PTPRO: variants seen among roughly 807,000 people sequenced by gnomAD.
PTPRO encodes protein tyrosine phosphatase receptor type O.
Under a neutral mutation model 145.2 loss-of-function variants are expected in PTPRO, and 62 were observed. That is an observed-to-expected ratio of 0.43 (90% CI 0.35 to 0.53). The LOEUF (loss-of-function observed/expected upper bound fraction) is 0.53, where lower values mean the gene tolerates loss of function less well. Ranked by LOEUF, PTPRO falls within the 20% of genes least tolerant of loss-of-function variation. The pLI is 0.01. For synonymous variants in PTPRO, 565 were observed against 514.7 expected (o/e 1.10, Z -1.32); for missense variants, 1,345 against 1,482.7 (o/e 0.91, Z 1.53).
intron 1 of PTPRO, among the ~76,000 whole-genome samples, chr12:15,480,890 C>G (rs1941765917): frequency 6.6e-6 from 1 of 152,200 alleles, no homozygotes; most frequent in Non-Finnish European, 1.5e-5. Flanking sequence ...TCCAAAATCT[C>G]TCTGCTTTGT....
intron 23 of PTPRO, 147 bp from the exon 24 acceptor site, chr12:15,586,750 A>T: frequency 1.3e-6 from 1 of 795,042 alleles, no homozygotes; most frequent in Non-Finnish European, 2.1e-6. Flanking sequence ...TTTATGCCAG[A>T]TATGGTGCTC....
At position 15,515,540 on chromosome 12, in the gene PTPRO, G is replaced by T; in HGVS notation, c.1507G>T (p.Ala503Ser). The change falls in exon 8 of 27, where the codon GCC becomes TCC. Residue 503 changes from alanine to serine, a missense_variant. Around this residue, in one of 3 missense-constraint regions of PTPRO, gnomAD observed 1,130 missense variants for 1,214.7 expected, o/e 0.93. Coordinates refer to ENST00000281171, the MANE Select transcript of PTPRO (RefSeq NM_030667.3). The part of the protein sequence containing the change: ...KPIIENLVPG[A>S]QYQVVIYLRK... ...TATTATTGAAAATCTGGTTCCTGGT[G>T]CCCAGTACCAGGTTGTAATATACCT... 6.2e-7 allele frequency: 1 copy of T among 1,613,556 alleles called. No individual in the cohort carries two copies. Among genetic ancestry groups the T allele is most frequent in the Non-Finnish European group, 8.5e-7 (1 of 1,179,544 alleles).
intron 1 of PTPRO, among the ~76,000 whole-genome samples, chr12:15,328,687 T>C (rs907093241): frequency 1.3e-5 from 2 of 152,178 alleles, no homozygotes; most frequent in African/African-American, 2.4e-5. Context: ...ATGAAGAACA[T>C]TTGATGAAAA....
chr12:15,581,813 G>A lies in PTPRO; in HGVS notation c.3255+12G>A, dbSNP rs191550285. 2.6e-5 allele frequency: 42 copies of A among 1,613,626 alleles called. No homozygotes were observed. In the African/African-American group the frequency reaches 5.1e-4, roughly 19 times the overall value. On this transcript the variant is annotated intron_variant, in intron 23 of 26. Transcript: ENST00000281171. ...TCCGGATCAACTATGTAAGTCACCA[G>A]GCAGAGAGCAGGTGCTGTCCCTATG...
At chr12:15,556,128 A>G (rs1426488735) in intron 15 of PTPRO, among the ~76,000 whole-genome samples, 1 of 152,226 alleles carries the variant, frequency 6.6e-6, no homozygotes, top group Non-Finnish European at 1.5e-5. Context: ...ATGTTCATAG[A>G]GTCCTAAATT....
intron 16 of PTPRO, among the ~76,000 whole-genome samples, chr12:15,558,658 G>T (rs1040784447): frequency 1.3e-5 from 2 of 152,116 alleles, no homozygotes; most frequent in Admixed American, 6.5e-5. Flanking sequence ...ATTAATCATT[G>T]TTCAGTTATT....
intron 1 of PTPRO, among the ~76,000 whole-genome samples, chr12:15,432,564 T>A (rs1940472950): frequency 6.6e-6 from 1 of 152,194 alleles, no homozygotes; most frequent in Admixed American, 6.5e-5. Context: ...TTTCAGCTGT[T>A]TTAGGAATTG....
chr12:15,483,574 G>A (rs896926273), intron 1 of PTPRO, among the ~76,000 whole-genome samples: 25 of 152,098 alleles, frequency 1.6e-4, no homozygotes, highest in African/African-American at 6.0e-4. Context: ...AGTAAAAAGA[G>A]TACTTCTTTA....
intron 15 of PTPRO, among the ~76,000 whole-genome samples, chr12:15,556,675 G>A (rs1473920091): frequency 1.3e-5 from 2 of 152,106 alleles, no homozygotes; most frequent in African/African-American, 2.4e-5. Context: ...GATTTTGGAG[G>A]AAGTAAACAA....
intron 1 of PTPRO, among the ~76,000 whole-genome samples, chr12:15,387,422 G>A (rs1939060248): frequency 6.6e-6 from 1 of 152,206 alleles, no homozygotes; most frequent in African/African-American, 2.4e-5. Flanking sequence ...TAATTTCCCA[G>A]ACAATCAGTT....
chr12:15,324,118 A>T (rs1282149831), intron 1 of PTPRO, among the ~76,000 whole-genome samples: 1 of 152,214 alleles, frequency 6.6e-6, no homozygotes, highest in African/African-American at 2.4e-5. Flanking sequence ...CACATCATAA[A>T]TGCATTAGAC....
At chr12:15,491,636 G>A (rs1469383675) in intron 2 of PTPRO, among the ~76,000 whole-genome samples, 1 of 152,144 alleles carries the variant, frequency 6.6e-6, no homozygotes, top group African/African-American at 2.4e-5. Context: ...ACTTATGCTA[G>A]GATTTCTTGT....
At position 15,571,332 on chromosome 12, in the gene PTPRO, G is replaced by A. The variant is rs1279566765; in HGVS notation, c.2829+1834G>A. ...TGAGACAGTCTCACTCTGTTGCCCA[G>A]GCTAGAGAGCAGTGGCGCGATCTTG... On this transcript the variant is annotated intron_variant, in intron 19 of 26. Transcript: ENST00000281171. Among the ~76,000 whole-genome samples the A allele has an allele frequency of 3.9e-5, 6 of 152,084 alleles. No individual in the cohort carries two copies. In the East Asian group the frequency reaches 7.7e-4, roughly 20 times the overall value.
In PTPRO at chr12:15,511,246, A is replaced by T. The variant is rs1038100091; in HGVS notation, c.1464+2479A>T. Among the ~76,000 whole-genome samples the T allele has an allele frequency of 4.6e-5, 7 of 152,346 alleles. No individual in the cohort carries two copies. In the South Asian group the frequency reaches 6.2e-4, roughly 14 times the overall value. On this transcript the variant is annotated intron_variant, in intron 7 of 26. Coordinates refer to ENST00000281171, the MANE Select transcript of PTPRO (RefSeq NM_030667.3). The stretch of plus-strand genomic sequence containing the variant: ...GGAAGTATTTTGTAAAAAATAAAAC[A>T]CATTACTTAACATGCAGAATGCAGA...
At chr12:15,363,340 G>A (rs1391511852) in intron 1 of PTPRO, among the ~76,000 whole-genome samples, 1 of 152,016 alleles carries the variant, frequency 6.6e-6, no homozygotes, top group African/African-American at 2.4e-5. Flanking sequence ...TCTATTTTTC[G>A]AAGAACAGCT....
At chr12:15,420,054 G>A (rs2064880116) in intron 1 of PTPRO, among the ~76,000 whole-genome samples, 1 of 149,548 alleles carries the variant, frequency 6.7e-6, no homozygotes, top group Admixed American at 6.7e-5. Flanking sequence ...GGCTGAGGCA[G>A]GAGAACGGTG....
chr12:15,461,846 G>A (rs1393309250), intron 1 of PTPRO, among the ~76,000 whole-genome samples: 7 of 152,010 alleles, frequency 4.6e-5, no homozygotes, highest in Non-Finnish European at 1.0e-4. Flanking sequence ...GTTTACAGGC[G>A]TGAGCAACCA....
intron 14 of PTPRO, 106 bp from the exon 15 acceptor site, chr12:15,551,445 T>C (rs1943456373): frequency 2.4e-5 from 33 of 1,383,274 alleles, no homozygotes; most frequent in Non-Finnish European, 3.3e-5. Context: ...ATTATTGGTA[T>C]CATCGTAAGC....
chr12:15,527,875 A>ACCTGCCCACCACCCC (rs1942873977), intron 12 of PTPRO, among the ~76,000 whole-genome samples: 1 of 137,650 alleles, frequency 7.3e-6, no homozygotes, highest in African/African-American at 2.8e-5. Flanking sequence ...GGGAACTGTG[A>ACCTGCCCACCACCCC]CCCGCCCACG....
Sources: allele counts gnomAD v4.1 joint callset (sites outside exome capture counted in the v4.1 genomes callset), GRCh38; gene constraint gnomAD v4.1.1; regional missense constraint gnomAD v4.1.1; transcripts MANE v1.5; gene names NCBI Gene and HGNC (gene_info 2026-07-23, HGNC 2026-07-21).